Variants in ERBB4 observed in about 807,000 individuals in gnomAD.
ERBB4 encodes erb-b2 receptor tyrosine kinase 4, also known as receptor tyrosine-protein kinase erbB-4.
Under a neutral mutation model 158.0 loss-of-function variants are expected in ERBB4, and 42 were observed. The ratio of observed to expected loss-of-function variants is 0.27; its 90% confidence interval spans 0.21 to 0.34. The LOEUF (loss-of-function observed/expected upper bound fraction) is 0.34. Among genes scored for constraint, ERBB4 ranks in the 10% least tolerant of loss-of-function variants. The pLI is 1.00. For synonymous variants in ERBB4, 583 were observed against 558.7 expected, an observed-to-expected ratio of 1.04 and a Z score of -0.61; for missense variants, 1,333 against 1,624.1, an observed-to-expected ratio of 0.82 and a Z score of 3.08.
intron 1 of ERBB4, among the ~76,000 whole-genome samples, chr2:212,257,432 A>C (rs561222423): frequency 2.8e-4 from 43 of 152,206 alleles, no homozygotes; most frequent in African/African-American, 1.0e-3. Flanking sequence ...TAATCAGCAA[A>C]CTAACTCTTT....
intron 2 of ERBB4, among the ~76,000 whole-genome samples, chr2:212,059,195 C>T (rs865980076): frequency 1.2e-4 from 18 of 152,238 alleles, no homozygotes; most frequent in Middle Eastern, 6.8e-3. Flanking sequence ...TTCACAATTG[C>T]TTCAAAGAGA....
At chr2:211,473,533 A>G (rs2125531684) in intron 20 of ERBB4, among the ~76,000 whole-genome samples, 1 of 152,222 alleles carries the variant, frequency 6.6e-6, no homozygotes, top group South Asian at 2.1e-4. Context: ...GGAAATCTGT[A>G]TGATATAAGG....
chr2:211,487,940 C>T (rs996274994), intron 20 of ERBB4, among the ~76,000 whole-genome samples: 1 of 152,018 alleles, frequency 6.6e-6, no homozygotes, highest in Non-Finnish European at 1.5e-5. Context: ...AAGAACAATG[C>T]TCTGCTGAGC....
At chr2:211,562,873 G>A (rs1291548267) in intron 19 of ERBB4, among the ~76,000 whole-genome samples, 10 of 147,734 alleles carry the variant, frequency 6.8e-5, no homozygotes, top group African/African-American at 2.0e-4. Flanking sequence ...CCGGGTTCAC[G>A]CCATTCTCCT....
intron 16 of ERBB4, among the ~76,000 whole-genome samples, chr2:211,649,055 A>G (rs370479267): frequency 1.4e-4 from 21 of 151,896 alleles, no homozygotes; most frequent in African/African-American, 5.1e-4. Context: ...TATCTGATGT[A>G]TTTAAAAAGT....
chr2:211,481,444 A>G (rs1259371381), intron 20 of ERBB4, among the ~76,000 whole-genome samples: 1 of 152,138 alleles, frequency 6.6e-6, no homozygotes, highest in Admixed American at 6.5e-5. Context: ...CTAGTATTTC[A>G]AATATTTGTA....
intron 1 of ERBB4, among the ~76,000 whole-genome samples, chr2:212,536,970 G>A (rs1693107966): frequency 6.6e-6 from 1 of 152,114 alleles, no homozygotes; most frequent in South Asian, 2.1e-4. Flanking sequence ...AGTCCGTGTT[G>A]GTGTGATTCC....
At chr2:211,494,648 T>C (rs539625133) in intron 20 of ERBB4, among the ~76,000 whole-genome samples, 31 of 152,094 alleles carry the variant, frequency 2.0e-4, no homozygotes, top group Non-Finnish European at 3.8e-4. Context: ...ACCTAATGAT[T>C]CTCTGAAATT....
intron 20 of ERBB4, among the ~76,000 whole-genome samples, chr2:211,501,087 A>G (rs574088696): frequency 6.7e-6 from 1 of 149,318 alleles, no homozygotes; most frequent in South Asian, 2.1e-4. Flanking sequence ...CTGACTATAA[A>G]AATAAATAAA....
At chr2:212,240,883 C>CT (rs2084077709) in intron 1 of ERBB4, among the ~76,000 whole-genome samples, 1 of 151,970 alleles carries the variant, frequency 6.6e-6, no homozygotes, top group Admixed American at 6.6e-5. Flanking sequence ...GGACATTTCT[C>CT]TTATTAGTCT....
chr2:211,427,421 C>T (rs772898778), intron 22 of ERBB4, among the ~76,000 whole-genome samples: 1 of 152,018 alleles, frequency 6.6e-6, no homozygotes, highest in East Asian at 1.9e-4. Flanking sequence ...ACCGGACTTA[C>T]TTAAATTTTA....
At position 211,630,444 on chromosome 2, in the gene ERBB4, GAGAA is replaced by G; in HGVS notation, c.2079+14_2079+17del. 6.2e-7 allele frequency: 1 copy of G among 1,612,890 alleles called. No homozygotes were observed. The highest frequency in any genetic ancestry group is 8.5e-7 in the Non-Finnish European group (1 of 1,179,152). The stretch of plus-strand genomic sequence containing the variant: ...TGAAAATCCCCAAACACATGAAGAG[GAGAA>G]AGAAATACCTCACCTCTGTTTCCAA... On this transcript the variant is annotated intron_variant, in intron 17 of 27. Coordinates refer to ENST00000342788, the MANE Select transcript of ERBB4 (RefSeq NM_005235.3).
intron 21 of ERBB4, among the ~76,000 whole-genome samples, chr2:211,430,058 T>TTCCC (rs1437856280): frequency 6.6e-6 from 1 of 152,162 alleles, no homozygotes; most frequent in African/African-American, 2.4e-5. Context: ...TTTGTGTTAT[T>TTCCC]TTGCCTTGTG....
At chr2:212,300,069 A>T (rs2086562147) in intron 1 of ERBB4, among the ~76,000 whole-genome samples, 2 of 151,542 alleles carry the variant, frequency 1.3e-5, no homozygotes, top group Admixed American at 1.3e-4. Context: ...TACATCAGCG[A>T]ATTAGTTCGC....
Position 211,985,864 on chromosome 2 carries a change from G to A in ERBB4, c.235-38248C>T, listed in dbSNP as rs72935786. Among the ~76,000 whole-genome samples the A allele has an allele frequency of 2.3e-3, 349 of 152,052 alleles. 1 individual carries two copies. Among genetic ancestry groups the A allele is most frequent in the South Asian group, 4.8e-3 (23 of 4,812 alleles). On this transcript the variant is annotated intron_variant, in intron 2 of 27. Transcript: ENST00000342788. ...TCATCACATTTTAAAATGTTGTATC[G>A]AAGGGATCTTTGAAATAATCTTGTC... is the stretch of plus-strand genomic sequence containing the variant.
intron 1 of ERBB4, among the ~76,000 whole-genome samples, chr2:212,481,831 A>G (rs1044076413): frequency 6.6e-6 from 1 of 152,214 alleles, no homozygotes; most frequent in Non-Finnish European, 1.5e-5. Flanking sequence ...AGCTGAAAAA[A>G]TTACATTTTC....
At chr2:211,956,387 G>A (rs937825885) in intron 2 of ERBB4, among the ~76,000 whole-genome samples, 7 of 152,160 alleles carry the variant, frequency 4.6e-5, no homozygotes, top group South Asian at 2.1e-4. Flanking sequence ...TCAAAGCGTC[G>A]TAATGTTTAT....
intron 1 of ERBB4, among the ~76,000 whole-genome samples, chr2:212,440,875 C>A (rs574252088): frequency 6.6e-6 from 1 of 152,194 alleles, no homozygotes; most frequent in Admixed American, 6.5e-5. Context: ...GTTTAGTGGA[C>A]AAAGTGATGA....
At chr2:212,134,814 G>A (rs144744159) in intron 1 of ERBB4, among the ~76,000 whole-genome samples, 4,324 of 151,344 alleles carry the variant, frequency 0.029, 146 homozygotes, top group African/African-American at 0.079. Flanking sequence ...CTCCCCAGGA[G>A]CTGGGACTAC....
Sources: allele counts gnomAD v4.1 joint callset (sites outside exome capture counted in the v4.1 genomes callset), GRCh38; gene constraint gnomAD v4.1.1; transcripts MANE v1.5; gene names NCBI Gene and HGNC (gene_info 2026-07-23, HGNC 2026-07-21).